The following KPNA3 variants were observed in gnomAD, a reference collection of about 807,000 sequenced individuals.
KPNA3 encodes karyopherin subunit alpha 3.
A neutral mutation model predicts 73.8 loss-of-function variants in KPNA3; 13 were observed. The observed-to-expected ratio is 0.18, with a 90% CI of 0.11 to 0.28. KPNA3 has a LOEUF of 0.28. KPNA3 is among the 10% of genes least tolerant of loss of function. The pLI, the probability that KPNA3 is intolerant of heterozygous loss-of-function variation, is 1.00. For missense variants in KPNA3, 360 were observed against 618.1 expected (o/e 0.58, Z 4.43); for synonymous variants, 186 against 206.9 (o/e 0.90, Z 0.87).
Position 49,723,303 on chromosome 13 carries a change from G to A in KPNA3, c.470-740C>T, listed in dbSNP as rs544444637. Among the ~76,000 whole-genome samples, 7 of 152,220 alleles carry A rather than the reference G, an allele frequency of 4.6e-5. No homozygotes were observed. The South Asian group carries it at 1.2e-3, about 27-fold the overall frequency. The stretch of plus-strand genomic sequence containing the variant: ...AAAAGAAATCTTGGCTGGGTATGAT[G>A]GCTCATGCCTGTAATCCTAACACTC... On this transcript the variant is annotated intron_variant, in intron 7 of 16. Coordinates refer to ENST00000261667, the MANE Select transcript of KPNA3 (RefSeq NM_002267.4).
rs1954477918 is a variant in KPNA3, at chr13:49,732,359, A to C, written c.383+12T>G. ...TGAAAAAAACTGAATAGGGAGTAAA[A>C]TCCATACTTACTTATCATCCCTTTC... On this transcript the variant is annotated intron_variant, in intron 6 of 16. Coordinates refer to ENST00000261667, the MANE Select transcript of KPNA3 (RefSeq NM_002267.4). The C allele has an allele frequency of 5.0e-6, 7 of 1,407,254 alleles. No homozygotes were observed. Among genetic ancestry groups the C allele is most frequent in the Non-Finnish European group, 5.9e-6 (6 of 1,013,044 alleles). The allele number at this position is 1,407,254 out of a possible 1,614,324, so 87.2% of individuals were successfully genotyped here.
At chr13:49,758,479 T>C (rs1460119411) in intron 1 of KPNA3, among the ~76,000 whole-genome samples, 1 of 152,162 alleles carries the variant, frequency 6.6e-6, no homozygotes, top group Non-Finnish European at 1.5e-5. Context: ...ACCCTATTAC[T>C]GGGTGCAGCG....
chr13:49,744,491 C>G (rs9596189), intron 2 of KPNA3, among the ~76,000 whole-genome samples: 4 of 152,052 alleles, frequency 2.6e-5, no homozygotes, highest in Non-Finnish European at 4.4e-5. Flanking sequence ...ATAATTCTAT[C>G]ATTAGTTGTT....
chr13:49,708,440 T>C (rs1164553757), intron 12 of KPNA3, among the ~76,000 whole-genome samples: 1 of 152,208 alleles, frequency 6.6e-6, no homozygotes, highest in Non-Finnish European at 1.5e-5. Context: ...TGTAAAACAG[T>C]GCAGCTGCAA....
chr13:49,792,353 A>C, intron 1 of KPNA3, 85 bp downstream of exon 1: 1 of 898,858 alleles, frequency 1.1e-6, no homozygotes, highest in Non-Finnish European at 1.5e-6. Context: ...GCCGACGAGA[A>C]CCAGCCCGGC....
intron 10 of KPNA3, among the ~76,000 whole-genome samples, chr13:49,717,383 T>A (rs983521197): frequency 7.1e-6 from 1 of 141,220 alleles, no homozygotes; most frequent in Non-Finnish European, 1.5e-5. Flanking sequence ...TGAGCCTAGA[T>A]CGCGCCACTG....
intron 1 of KPNA3, among the ~76,000 whole-genome samples, chr13:49,777,515 C>G (rs1450063863): frequency 6.6e-6 from 1 of 151,754 alleles, no homozygotes; most frequent in Non-Finnish European, 1.5e-5. Flanking sequence ...TTATTTTTTT[C>G]TTTATTTGAG....
chr13:49,774,549 T>TCCTC (rs1358556018), intron 1 of KPNA3, among the ~76,000 whole-genome samples: 2 of 152,044 alleles, frequency 1.3e-5, no homozygotes, highest in African/African-American at 4.8e-5. Flanking sequence ...CAACATCCCT[T>TCCTC]CCTCCCTAAT....
In KPNA3 at chr13:49,792,554, G is replaced by GCGT; in HGVS notation, c.-49_-48insACG. ...GGCTACTCCTGCGGCTGCGGCGGCG[G>GCGT]CGGCGGCGAATCTTGGAGCGGGAGG... is the stretch of plus-strand genomic sequence containing the variant. On this transcript the variant is annotated 5_prime_UTR_variant, in exon 1 of 17. Coordinates refer to ENST00000261667, the MANE Select transcript of KPNA3 (RefSeq NM_002267.4). 1 of 1,383,396 alleles carries GCGT rather than the reference G, an allele frequency of 7.2e-7. No homozygotes were observed. Among genetic ancestry groups the GCGT allele is most frequent in the Non-Finnish European group, 1.0e-6 (1 of 1,000,336 alleles). The allele number at this position is 1,383,396 out of a possible 1,614,324, so 85.7% of individuals were successfully genotyped here. A position where few individuals can be genotyped will look rare whatever the true frequency, so the allele number is the denominator to read the frequency against.
chr13:49,701,888 T>A lies in KPNA3; in HGVS notation c.1478A>T (p.Asp493Val), dbSNP rs776963664. The part of the protein sequence containing the change: ...QYFSGDDIDE[D>V]PCLIPEATQG... Reference sequence around the variant, plus strand: ...TGTTGCTTCAGGAATGAGGCAGGGATCTTCATCAATCTGTAAAAAACAAGA... The same window carrying A: ...TGTTGCTTCAGGAATGAGGCAGGGAACTTCATCAATCTGTAAAAAACAAGA... The change falls in exon 17 of 17, where the codon GAT becomes GTT. Residue 493 changes from aspartate (D) to valine (V), a missense_variant. Asp to Val is a radical substitution (Grantham distance 152). Transcript: ENST00000261667. 1.2e-6 allele frequency: 2 copies of A among 1,609,566 alleles called. No homozygotes were observed. The highest frequency in any genetic ancestry group is 1.7e-6 in the Non-Finnish European group (2 of 1,175,930).
At chr13:49,706,505 G>C (rs926921199) in intron 12 of KPNA3, 133 bp from the exon 13 acceptor site, 6 of 570,930 alleles carry the variant, frequency 1.1e-5, no homozygotes, top group African/African-American at 7.6e-5. Flanking sequence ...AAAGTGATTA[G>C]GTATACAAAA....
At chr13:49,722,278 G>A (rs1030092974) in intron 8 of KPNA3, among the ~76,000 whole-genome samples, 154 bp from the exon 9 acceptor site, 1 of 152,136 alleles carries the variant, frequency 6.6e-6, no homozygotes, top group East Asian at 1.9e-4. Flanking sequence ...TTTGATCTGG[G>A]GAACGTAAAT....
chr13:49,707,656 C>T (rs1391619829), intron 12 of KPNA3, among the ~76,000 whole-genome samples: 3 of 151,914 alleles, frequency 2.0e-5, no homozygotes, highest in Admixed American at 2.0e-4. Flanking sequence ...CCAGCTTCCT[C>T]ACTTCTCAGT....
At chr13:49,770,946 A>AC (rs914538508) in intron 1 of KPNA3, among the ~76,000 whole-genome samples, 41 of 151,918 alleles carry the variant, frequency 2.7e-4, no homozygotes, top group African/African-American at 9.6e-4. Context: ...GTCTATCCTT[A>AC]TGCCAGTATC....
At chr13:49,791,485 C>T (rs1319396829) in intron 1 of KPNA3, among the ~76,000 whole-genome samples, 1 of 152,152 alleles carries the variant, frequency 6.6e-6, no homozygotes, top group Non-Finnish European at 1.5e-5. Flanking sequence ...GAGACAATGG[C>T]AACATGCTGA....
At chr13:49,739,373 T>C (rs866600646) in intron 2 of KPNA3, among the ~76,000 whole-genome samples, 9 of 152,334 alleles carry the variant, frequency 5.9e-5, no homozygotes, top group Middle Eastern at 3.4e-3. Context: ...AGAGGCATTA[T>C]AGCATAATGG....
chr13:49,771,628 G>T (rs906519913), intron 1 of KPNA3, among the ~76,000 whole-genome samples: 7 of 151,684 alleles, frequency 4.6e-5, no homozygotes, highest in African/African-American at 1.5e-4. Context: ...TTAAATTTTT[G>T]ATTTTATTTA....
chr13:49,785,742 T>C lies in KPNA3; in HGVS notation c.69+6696A>G, dbSNP rs141476779. Among the ~76,000 whole-genome samples, 1,182 of 151,236 alleles carry C rather than the reference T, an allele frequency of 7.8e-3. 36 individuals are homozygous for C. Among genetic ancestry groups the C allele is most frequent in the Admixed American group, 0.038 (573 of 15,192 alleles). ...GAACCAGGAAGCAGTATATGCCCCA[T>C]TAGTGAATTCATGAAAAAAAAAAAG... On this transcript the variant is annotated intron_variant, in intron 1 of 16. Coordinates refer to ENST00000261667, the MANE Select transcript of KPNA3 (RefSeq NM_002267.4).
At chr13:49,767,616 T>C (rs1412565699) in intron 1 of KPNA3, among the ~76,000 whole-genome samples, 4 of 152,154 alleles carry the variant, frequency 2.6e-5, no homozygotes, top group African/African-American at 9.7e-5. Flanking sequence ...TCTATTCCTA[T>C]GTACCTTCTT....
Sources: allele counts gnomAD v4.1 joint callset (sites outside exome capture counted in the v4.1 genomes callset), GRCh38; gene constraint gnomAD v4.1.1; transcripts MANE v1.5; gene names NCBI Gene and HGNC (gene_info 2026-07-23, HGNC 2026-07-21).